WDR64: variants seen among roughly 807,000 people sequenced by gnomAD.
The protein encoded by WDR64 is WD repeat domain 64.
WDR64 carries 112 observed loss-of-function variants against 139.3 expected under a neutral mutation model. That is an observed-to-expected ratio of 0.80 (90% CI 0.69 to 0.94). The LOEUF is 0.94. Ranked by LOEUF, WDR64 falls within the 40% of genes least tolerant of loss-of-function variation. The pLI, the probability that WDR64 is intolerant of heterozygous loss-of-function variation, is 0.00. For synonymous variants in WDR64, 444 were observed against 437.7 expected (o/e 1.01, Z -0.18); for missense variants, 1,206 against 1,293.1 (o/e 0.93, Z 1.03).
At chr1:241,664,272 C>T (rs1665947238) in intron 2 of WDR64, among the ~76,000 whole-genome samples, 1 of 152,150 alleles carries the variant, frequency 6.6e-6, no homozygotes, top group South Asian at 2.1e-4. Flanking sequence ...TCTCTATTTT[C>T]TTATGAATAT....
chr1:241,674,868 TCC>T, intron 4 of WDR64, 121 bp downstream of exon 4: 1 of 138,182 alleles, frequency 7.2e-6, no homozygotes, highest in Non-Finnish European at 1.4e-5. Context: ...CCTCCCTCCC[TCC>T]TTTCTTTCTT....
intron 1 of WDR64, 23 bp from the exon 2 acceptor site, chr1:241,660,507 G>T (rs919219309): frequency 2.1e-5 from 32 of 1,548,620 alleles, no homozygotes; most frequent in Non-Finnish European, 2.6e-5. Flanking sequence ...TGATGAAAAT[G>T]GACTGTACTT....
At position 241,741,591 on chromosome 1, in the gene WDR64, G is replaced by A. The variant is rs150454119; in HGVS notation, c.1397G>A (p.Arg466Gln). The A allele has an allele frequency of 1.4e-4, 227 of 1,613,318 alleles. No individual in the cohort carries two copies. The highest frequency in any genetic ancestry group is 1.9e-4 in the Non-Finnish European group (221 of 1,179,816). Residue 466 changes from arginine (R) to glutamine (Q), a missense_variant, in exon 12 of 28, where the codon CGA (arginine) becomes CAA (glutamine). Coordinates refer to ENST00000437684, the MANE Select transcript of WDR64 (RefSeq NM_001367482.1). ...DTKQVPHTHE[R>Q]EINVMLYNKY... Reference sequence around the variant, plus strand: ...AAACAGGTTCCTCACACTCATGAACGAGAAATCAATGTCATGCTTTACAAC... The same window carrying A: ...AAACAGGTTCCTCACACTCATGAACAAGAAATCAATGTCATGCTTTACAAC...
In WDR64 at chr1:241,802,719, T is replaced by G. The variant is rs1328647525; in HGVS notation, c.*1504T>G. 6.6e-6 allele frequency among the ~76,000 whole-genome samples: 1 copy of G among 152,158 alleles called. No homozygotes were observed. Among genetic ancestry groups the G allele is most frequent in the East Asian group, 1.9e-4 (1 of 5,190 alleles). ...TGTTAGAGCATATCTAAAACCACAT[T>G]AATTATGGAATCTAGGTGGTAGGAA... On this transcript the variant is annotated 3_prime_UTR_variant, in exon 28 of 28. Transcript: ENST00000437684.
chr1:241,790,269 T>G (rs1659172810), intron 24 of WDR64, among the ~76,000 whole-genome samples: 1 of 152,164 alleles, frequency 6.6e-6, no homozygotes, highest in Non-Finnish European at 1.5e-5. Flanking sequence ...AAGAATTGCT[T>G]GAACCTGGGA....
intron 8 of WDR64, among the ~76,000 whole-genome samples, chr1:241,706,653 C>T (rs1456209203): frequency 6.6e-6 from 1 of 152,164 alleles, no homozygotes; most frequent in African/African-American, 2.4e-5. Context: ...GTTCAAAAAA[C>T]TGTTTTAAAT....
At chr1:241,733,369 G>T (rs2148223669) in intron 10 of WDR64, among the ~76,000 whole-genome samples, 1 of 152,054 alleles carries the variant, frequency 6.6e-6, no homozygotes, top group South Asian at 2.1e-4. Flanking sequence ...CAGCTACTCG[G>T]GAAGCTCAGG....
At chr1:241,749,371 A>G (rs991673623) in intron 13 of WDR64, among the ~76,000 whole-genome samples, 176 bp from the exon 14 acceptor site, 7 of 152,208 alleles carry the variant, frequency 4.6e-5, no homozygotes, top group Non-Finnish European at 8.8e-5. Context: ...ATCAAGGCAT[A>G]AAGGAATAAA....
chr1:241,671,209 T>A (rs577175626), intron 3 of WDR64, 33 bp downstream of exon 3: 1 of 1,355,230 alleles, frequency 7.4e-7, no homozygotes, highest in East Asian at 2.5e-5. Flanking sequence ...CAAATTAGTA[T>A]GAGTTTTAAT....
chr1:241,672,899 G>C (rs993533488), intron 3 of WDR64, among the ~76,000 whole-genome samples: 1 of 152,186 alleles, frequency 6.6e-6, no homozygotes, highest in Non-Finnish European at 1.5e-5. Context: ...GGACTTGTAT[G>C]ACATGCTGAA....
At position 241,787,888 on chromosome 1, in the gene WDR64, T is replaced by C; in HGVS notation, c.2745T>C (p.Phe915=). 1 of 1,609,164 alleles carries C rather than the reference T, an allele frequency of 6.2e-7. No homozygotes were observed. Among genetic ancestry groups the C allele is most frequent in the Non-Finnish European group, 8.5e-7 (1 of 1,178,536 alleles). ...TCAATGGACATTATTGTGGATATTT[T>C]GGACAGCGAAGGCTCTTTGAATTAT... The part of the protein sequence containing the change: ...HALNGHYCGY[F]GQRRLFELSQ... Residue 915 remains phenylalanine, a synonymous_variant, in exon 24 of 28, where the codon TTT becomes TTC. Transcript: ENST00000437684.
chr1:241,674,593 T>G, intron 3 of WDR64, 51 bp from the exon 4 acceptor site: 1 of 1,234,754 alleles, frequency 8.1e-7, no homozygotes, highest in South Asian at 1.4e-5. Context: ...AACAAATGAG[T>G]TTCAGCACCT....
At chr1:241,676,805 A>G (rs1666576036) in intron 4 of WDR64, among the ~76,000 whole-genome samples, 1 of 150,024 alleles carries the variant, frequency 6.7e-6, no homozygotes, top group African/African-American at 2.5e-5. Flanking sequence ...CTAGTCTTGA[A>G]CTCATGGTCT....
At chr1:241,702,913 A>G (rs968129264) in intron 8 of WDR64, among the ~76,000 whole-genome samples, 1 of 152,186 alleles carries the variant, frequency 6.6e-6, no homozygotes, top group African/African-American at 2.4e-5. Flanking sequence ...AAAATCTACA[A>G]TATTTGTTAT....
chr1:241,769,224 A>G (rs1658322893), intron 16 of WDR64, among the ~76,000 whole-genome samples, 180 bp from the exon 17 acceptor site: 1 of 152,232 alleles, frequency 6.6e-6, no homozygotes, highest in African/African-American at 2.4e-5. Context: ...GAGGATCATG[A>G]TTTAACAGAA....
chr1:241,742,197 G>A (rs981408309), intron 12 of WDR64, among the ~76,000 whole-genome samples: 1 of 152,172 alleles, frequency 6.6e-6, no homozygotes, highest in African/African-American at 2.4e-5. Flanking sequence ...CATGACGGCT[G>A]GAATATGAAC....
intron 10 of WDR64, among the ~76,000 whole-genome samples, chr1:241,726,993 T>C (rs1179262389): frequency 6.6e-6 from 1 of 152,110 alleles, no homozygotes; most frequent in Non-Finnish European, 1.5e-5. Context: ...TTCAAGCTAT[T>C]CTCCTGCCTC....
chr1:241,682,379 G>A (rs76289469), intron 6 of WDR64, among the ~76,000 whole-genome samples: 1 of 152,202 alleles, frequency 6.6e-6, no homozygotes, highest in Non-Finnish European at 1.5e-5. Flanking sequence ...TTGTTGAATA[G>A]GGTGTCCTTT....
intron 1 of WDR64, among the ~76,000 whole-genome samples, chr1:241,655,631 A>G (rs558884710): frequency 6.6e-6 from 1 of 151,952 alleles, no homozygotes; most frequent in East Asian, 1.9e-4. Flanking sequence ...ACTTCTTGGC[A>G]TTTCCAAACA....
Sources: gnomAD v4.1 joint callset for allele counts (sites outside exome capture counted in the v4.1 genomes callset) on GRCh38, gnomAD v4.1.1 for gene constraint, MANE v1.5 for transcripts, NCBI Gene and HGNC (gene_info 2026-07-23, HGNC 2026-07-21) for gene names.